GNAO1: variants seen among roughly 807,000 people sequenced by gnomAD.
GNAO1 encodes the protein G protein subunit alpha o1.
For missense variants in GNAO1, 166 were observed against 478.7 expected (o/e 0.35, Z 6.10); for synonymous variants, 164 against 180.7 (o/e 0.91, Z 0.74).
chr16:56,273,960 A>C (rs1480781380), intron 2 of GNAO1, among the ~76,000 whole-genome samples: 1 of 152,144 alleles, frequency 6.6e-6, no homozygotes, highest in Non-Finnish European at 1.5e-5. Context: ...ATCTTACCCT[A>C]TCCAGCCACA....
At chr16:56,200,108 T>C (rs2036269534) in intron 2 of GNAO1, among the ~76,000 whole-genome samples, 1 of 152,228 alleles carries the variant, frequency 6.6e-6, no homozygotes, top group Non-Finnish European at 1.5e-5. Context: ...AGCTTCTCCA[T>C]GCTTTAAAAT....
intron 3 of GNAO1, among the ~76,000 whole-genome samples, chr16:56,280,610 A>G (rs2037104846): frequency 6.6e-6 from 1 of 152,190 alleles, no homozygotes; most frequent in Admixed American, 6.5e-5. Context: ...GGGAGACTAA[A>G]GATGGGAGGC....
intron 2 of GNAO1, among the ~76,000 whole-genome samples, chr16:56,252,669 A>C (rs1448891411): frequency 6.6e-6 from 1 of 152,198 alleles, no homozygotes; most frequent in Non-Finnish European, 1.5e-5. Context: ...ATACTTTCGC[A>C]TAGTGAGGCT....
intron 2 of GNAO1, among the ~76,000 whole-genome samples, chr16:56,270,071 G>A (rs578101202): frequency 2.0e-5 from 3 of 152,232 alleles, no homozygotes; most frequent in South Asian, 2.1e-4. Flanking sequence ...ATGGAGGTGC[G>A]GGGAGAACCA....
chr16:56,350,775 G>A (rs11076152), intron 6 of GNAO1, among the ~76,000 whole-genome samples: 4 of 152,014 alleles, frequency 2.6e-5, no homozygotes, highest in Admixed American at 6.6e-5. Context: ...GGAAGGGCCC[G>A]GAGTCTCTCA....
chr16:56,320,706 A>G (rs764342665), intron 3 of GNAO1, among the ~76,000 whole-genome samples: 25 of 152,144 alleles, frequency 1.6e-4, no homozygotes, highest in African/African-American at 4.6e-4. Flanking sequence ...TGGGCCCTTA[A>G]TGATTACAAA....
intron 2 of GNAO1, among the ~76,000 whole-genome samples, chr16:56,243,273 A>C (rs982131109): frequency 3.3e-5 from 5 of 152,084 alleles, no homozygotes; most frequent in African/African-American, 1.2e-4. Flanking sequence ...AAACCACTCC[A>C]TCCCCCACAA....
chr16:56,354,863 C>T lies in GNAO1; in HGVS notation c.878-3C>T. 1.9e-6 allele frequency: 3 copies of T among 1,604,116 alleles called. No individual in the cohort carries two copies. The highest frequency in any genetic ancestry group is 1.7e-6 in the Non-Finnish European group (2 of 1,171,574). ...CTCCCCGTTCTTCTGTGTCTTGTTA[C>T]AGGCCCCAATACCTATGAAGACGCA... On this transcript the variant is annotated splice_region_variant and splice_polypyrimidine_tract_variant and intron_variant, in intron 7 of 8. Coordinates refer to ENST00000262493, the MANE Select transcript of GNAO1 (RefSeq NM_020988.3). This position sits in a 1 kb window ranked among gnomAD's most constrained non-coding sequence, Gnocchi z 4.3.
At chr16:56,323,840 C>A (rs892382095) in intron 3 of GNAO1, among the ~76,000 whole-genome samples, 24 of 152,084 alleles carry the variant, frequency 1.6e-4, no homozygotes, top group Non-Finnish European at 3.2e-4. Flanking sequence ...TGGGAGGGAA[C>A]CATGGAGGCC....
In GNAO1 at chr16:56,192,542, C is replaced by A. The variant is rs1331831955; in HGVS notation, c.119-32C>A. 2.7e-6 allele frequency: 4 copies of A among 1,482,352 alleles called. No individual in the cohort carries two copies. The African/African-American group carries it at 4.2e-5, about 16-fold the overall frequency. The allele number at this position is 1,482,352 out of a possible 1,614,324, so 91.8% of individuals were successfully genotyped here. ...CCCTGTTCCCTTAAGCTGACACTCA[C>A]CAGTTTTTCCCCACTGTCTGTGTCC... On this transcript the variant is annotated intron_variant, in intron 1 of 8. Transcript: ENST00000262493.
intron 2 of GNAO1, among the ~76,000 whole-genome samples, chr16:56,222,931 G>A (rs1015320436): frequency 6.6e-6 from 1 of 152,166 alleles, no homozygotes; most frequent in South Asian, 2.1e-4. Flanking sequence ...GAGCTTTGCA[G>A]CGTGGTTGAG....
intron 2 of GNAO1, among the ~76,000 whole-genome samples, chr16:56,227,038 G>A (rs866719494): frequency 6.6e-6 from 1 of 152,200 alleles, no homozygotes; most frequent in African/African-American, 2.4e-5. Context: ...GATGTGTTGT[G>A]TGGTTTTGTT....
In GNAO1 at chr16:56,311,382, C is replaced by G. The variant is rs1213920283; in HGVS notation, c.304-17249C>G. 6.6e-6 allele frequency among the ~76,000 whole-genome samples: 1 copy of G among 152,112 alleles called. No individual in the cohort carries two copies. Among genetic ancestry groups the G allele is most frequent in the African/African-American group, 2.4e-5 (1 of 41,402 alleles). On this transcript the variant is annotated intron_variant, in intron 3 of 8. Transcript: ENST00000262493. This position sits in a 1 kb window ranked among gnomAD's most constrained non-coding sequence, Gnocchi z 5.2. ...CAGTGCCAACCTCTCACCCAGTGAG[C>G]CCTGTGCAGCTCTTCCCCAGCAGAG...
At position 56,194,055 on chromosome 16, in the gene GNAO1, T is replaced by A. The variant is rs1279407584; in HGVS notation, c.161+1439T>A. On this transcript the variant is annotated intron_variant, in intron 2 of 8. Transcript: ENST00000262493. ...ACCAAGATGCAAAAAATCTTGGATG[T>A]GTAACAGGCATGACAAGCGGGTTCT... is the stretch of plus-strand genomic sequence containing the variant. 4 of 450,098 alleles carry A rather than the reference T, an allele frequency of 8.9e-6. No homozygotes were observed. In the East Asian group the frequency reaches 2.8e-4, roughly 32 times the overall value. The allele number at this position is 450,098 out of a possible 1,614,324, so 27.9% of individuals were successfully genotyped here.
At chr16:56,282,177 C>A (rs76712972) in intron 3 of GNAO1, among the ~76,000 whole-genome samples, 186 of 152,236 alleles carry the variant, frequency 1.2e-3, no homozygotes, top group African/African-American at 4.3e-3. Flanking sequence ...CCAATTCTAC[C>A]ACCAGCTATA....
chr16:56,258,312 G>A (rs556172047), intron 2 of GNAO1, among the ~76,000 whole-genome samples: 38 of 152,320 alleles, frequency 2.5e-4, no homozygotes, highest in Middle Eastern at 3.4e-3. Context: ...CTAAGCCTCA[G>A]TCTCCTTATT....
At chr16:56,257,650 C>A (rs1202340122) in intron 2 of GNAO1, among the ~76,000 whole-genome samples, 1 of 152,106 alleles carries the variant, frequency 6.6e-6, no homozygotes, top group African/African-American at 2.4e-5. Flanking sequence ...ATTCACTGGA[C>A]CTGTCAAATT....
chr16:56,226,131 G>A (rs1320281473), intron 2 of GNAO1, among the ~76,000 whole-genome samples: 2 of 152,114 alleles, frequency 1.3e-5, no homozygotes, highest in Non-Finnish European at 2.9e-5. Flanking sequence ...AGGACGGGCT[G>A]TGGAGGGGCA....
intron 2 of GNAO1, among the ~76,000 whole-genome samples, chr16:56,211,827 T>G (rs1282614492): frequency 6.6e-6 from 1 of 152,226 alleles, no homozygotes; most frequent in African/African-American, 2.4e-5. Context: ...TTGCTTCTGC[T>G]GGCTGTGCAA....
Sources: allele counts gnomAD v4.1 joint callset (sites outside exome capture counted in the v4.1 genomes callset), GRCh38; gene constraint gnomAD v4.1.1; non-coding constraint Gnocchi (gnomAD v3.1); transcripts MANE v1.5; gene names NCBI Gene and HGNC (gene_info 2026-07-23, HGNC 2026-07-21).